The following TMTC2 variants were observed in gnomAD, a reference collection of about 807,000 sequenced individuals.
TMTC2 encodes the protein protein O-mannosyl-transferase TMTC2.
In TMTC2, 43 loss-of-function variants were observed where a neutral mutation model predicts 82.4. The observed-to-expected ratio is 0.52, with a 90% CI of 0.41 to 0.67. The LOEUF is 0.67. Among genes scored for constraint, TMTC2 ranks in the 30% least tolerant of loss-of-function variants. TMTC2 has a pLI of 0.00. For synonymous variants in TMTC2, 408 were observed against 381.9 expected (o/e 1.07, Z -0.80); for missense variants, 919 against 1,012.4 (o/e 0.91, Z 1.25).
At chr12:83,068,468 C>A (rs190725688) in intron 11 of TMTC2, among the ~76,000 whole-genome samples, 1 of 152,048 alleles carries the variant, frequency 6.6e-6, no homozygotes, top group East Asian at 1.9e-4. Context: ...AGCAGTTAAA[C>A]CACATTTCTG....
intron 1 of TMTC2, among the ~76,000 whole-genome samples, chr12:82,735,811 A>G (rs893548380): frequency 1.3e-5 from 2 of 151,946 alleles, no homozygotes; most frequent in African/African-American, 2.4e-5. Context: ...TTAAAAATAC[A>G]AAAAGTAAAA....
At chr12:83,009,398 C>T (rs1044418605) in intron 8 of TMTC2, among the ~76,000 whole-genome samples, 2 of 152,122 alleles carry the variant, frequency 1.3e-5, no homozygotes, top group African/African-American at 2.4e-5. Context: ...AGCAAGTTGT[C>T]AAAATTACTG....
chr12:82,745,099 A>G (rs147574847), intron 1 of TMTC2, among the ~76,000 whole-genome samples: 15 of 152,190 alleles, frequency 9.9e-5, no homozygotes, highest in African/African-American at 3.4e-4. Context: ...AAAAAGCAGA[A>G]TAAGGCACGA....
chr12:82,783,741 G>A (rs73356400), intron 1 of TMTC2, among the ~76,000 whole-genome samples: 1,924 of 152,102 alleles, frequency 0.013, 43 homozygotes, highest in African/African-American at 0.044. Flanking sequence ...CCTCAAGGGG[G>A]TGATTTTTTT....
intron 11 of TMTC2, among the ~76,000 whole-genome samples, chr12:83,109,033 A>G (rs542493867): frequency 1.3e-5 from 2 of 152,262 alleles, no homozygotes; most frequent in Non-Finnish European, 2.9e-5. Context: ...ATAATCTCTC[A>G]TTCCCCAGAA....
intron 1 of TMTC2, among the ~76,000 whole-genome samples, chr12:82,742,119 A>C (rs547246043): frequency 4.6e-5 from 7 of 152,192 alleles, no homozygotes; most frequent in African/African-American, 1.7e-4. Context: ...CAGTGCCCTA[A>C]TGCTTTGGGG....
chr12:82,883,055 C>CAAAAAAAA (rs66496024), intron 2 of TMTC2, among the ~76,000 whole-genome samples: 2 of 68,350 alleles, frequency 2.9e-5, no homozygotes, highest in East Asian at 6.9e-4. Flanking sequence ...AACTTGGTCT[C>CAAAAAAAA]AAAAAAAAAA....
chr12:82,938,952 A>C (rs1358908176), intron 4 of TMTC2, among the ~76,000 whole-genome samples: 3 of 152,174 alleles, frequency 2.0e-5, no homozygotes, highest in African/African-American at 7.2e-5. Flanking sequence ...TTTCCCCTGC[A>C]TATATGAATC....
intron 9 of TMTC2, among the ~76,000 whole-genome samples, chr12:83,041,050 T>C (rs1490587096): frequency 6.6e-6 from 1 of 151,842 alleles, no homozygotes; most frequent in African/African-American, 2.4e-5. Context: ...GTTTTCAACT[T>C]CCCTTTTCTC....
chr12:82,735,936 G>C (rs1939709828), intron 1 of TMTC2, among the ~76,000 whole-genome samples: 1 of 151,760 alleles, frequency 6.6e-6, no homozygotes, highest in South Asian at 2.1e-4. Flanking sequence ...TCATGCCATT[G>C]CACTGCAGCC....
In TMTC2 at chr12:82,895,873, C is replaced by T. The variant is rs776739500; in HGVS notation, c.710C>T (p.Ser237Phe). 89 of 1,613,686 alleles carry T rather than the reference C, an allele frequency of 5.5e-5. No individual in the cohort carries two copies. Among genetic ancestry groups the T allele is most frequent in the Non-Finnish European group, 7.3e-5 (86 of 1,179,904 alleles). The change falls in exon 3 of 12, where the codon TCC becomes TTC. Residue 237 changes from serine (S) to phenylalanine (F), a missense_variant. Transcript: ENST00000321196. ...SISLLIFWGS[S>F]LLGARLYWMG... ...AGTTTGTTAATTTTCTGGGGTTCCT[C>T]CCTTTTGGGTGCCCGGTTATACTGG...
chr12:83,114,900 TA>T (rs1319469465), intron 11 of TMTC2, among the ~76,000 whole-genome samples: 3 of 151,820 alleles, frequency 2.0e-5, no homozygotes, highest in East Asian at 3.9e-4. Flanking sequence ...TTTATATATA[TA>T]AAAATATGTA....
At chr12:82,706,277 A>G (rs1426475780) in intron 1 of TMTC2, among the ~76,000 whole-genome samples, 3 of 146,790 alleles carry the variant, frequency 2.0e-5, no homozygotes, top group Non-Finnish European at 4.5e-5. Context: ...AGATTGTGCC[A>G]CTGCACTCCA....
At chr12:82,854,092 A>G (rs1592576164) in intron 1 of TMTC2, among the ~76,000 whole-genome samples, 1 of 152,234 alleles carries the variant, frequency 6.6e-6, no homozygotes. Flanking sequence ...AAGCCAATTT[A>G]TATGGAAATT....
Position 82,849,152 on chromosome 12 carries a change from C to A in TMTC2, c.84-7858C>A, listed in dbSNP as rs376328349. 1.7e-3 allele frequency among the ~76,000 whole-genome samples: 261 copies of A among 152,110 alleles called. 3 individuals are homozygous for A. Among genetic ancestry groups the A allele is most frequent in the African/African-American group, 6.1e-3 (254 of 41,444 alleles). Reference sequence around the variant, plus strand: ...GAGTGCTGGTATTAGAGTTACATTGCAGGAAGTTTTTCTATCCATAGCATG... The same window carrying A: ...GAGTGCTGGTATTAGAGTTACATTGAAGGAAGTTTTTCTATCCATAGCATG... On this transcript the variant is annotated intron_variant, in intron 1 of 11. Coordinates refer to ENST00000321196, the MANE Select transcript of TMTC2 (RefSeq NM_152588.3).
intron 1 of TMTC2, among the ~76,000 whole-genome samples, chr12:82,785,544 C>T (rs1017402544): frequency 1.3e-5 from 2 of 151,918 alleles, no homozygotes; most frequent in Admixed American, 6.6e-5. Context: ...ATATATTTAG[C>T]AAAATATATG....
intron 1 of TMTC2, among the ~76,000 whole-genome samples, chr12:82,833,095 C>T (rs1400131735): frequency 2.6e-5 from 4 of 152,120 alleles, no homozygotes; most frequent in South Asian, 2.1e-4. Context: ...GCATTTTTGT[C>T]GTCTTTTCCA....
chr12:83,014,531 G>A (rs1048405423), intron 8 of TMTC2, among the ~76,000 whole-genome samples: 18 of 152,218 alleles, frequency 1.2e-4, no homozygotes, highest in African/African-American at 4.3e-4. Flanking sequence ...GTAGAGACAG[G>A]GTTTCACATG....
intron 11 of TMTC2, among the ~76,000 whole-genome samples, chr12:83,082,242 G>A (rs80239052): frequency 0.044 from 6,683 of 152,208 alleles, 183 homozygotes; most frequent in East Asian, 0.12. Flanking sequence ...TAATGCAAAT[G>A]TGTTACCTCC....
Sources: gnomAD v4.1 joint callset for allele counts (sites outside exome capture counted in the v4.1 genomes callset) on GRCh38, gnomAD v4.1.1 for gene constraint, MANE v1.5 for transcripts, NCBI Gene and HGNC (gene_info 2026-07-23, HGNC 2026-07-21) for gene names.